The following TTC28 variants were observed in gnomAD, a reference collection of about 807,000 sequenced individuals.
TTC28 encodes tetratricopeptide repeat domain 28.
In TTC28, 61 loss-of-function variants were observed where a neutral mutation model predicts 198.0. The ratio of observed to expected loss-of-function variants is 0.31; its 90% confidence interval spans 0.25 to 0.38. The LOEUF is 0.38. TTC28 is among the 10% of genes least tolerant of loss of function. The pLI is 1.00. For missense variants in TTC28, 2,678 were observed against 3,164.0 expected (o/e 0.85, Z 3.69); for synonymous variants, 1,171 against 1,297.8 (o/e 0.90, Z 2.10).
At chr22:28,477,983 C>T (rs1336063968) in intron 2 of TTC28, among the ~76,000 whole-genome samples, 1 of 152,044 alleles carries the variant, frequency 6.6e-6, no homozygotes, top group Non-Finnish European at 1.5e-5. Context: ...TTAGTGAGTC[C>T]CTCCAAGCTC....
At chr22:28,558,810 C>T (rs2049825355) in intron 2 of TTC28, among the ~76,000 whole-genome samples, 1 of 152,194 alleles carries the variant, frequency 6.6e-6, no homozygotes, top group African/African-American at 2.4e-5. Context: ...ACAGGCGAAT[C>T]ACCTGAGGTC....
At chr22:28,592,864 A>G (rs927995799) in intron 2 of TTC28, among the ~76,000 whole-genome samples, 4 of 152,216 alleles carry the variant, frequency 2.6e-5, no homozygotes, top group East Asian at 1.9e-4. Flanking sequence ...GGACACAGCA[A>G]TTTTTCCAGG....
chr22:28,609,706 C>A, intron 2 of TTC28, among the ~76,000 whole-genome samples: 1 of 151,952 alleles, frequency 6.6e-6, no homozygotes, highest in South Asian at 2.1e-4. Flanking sequence ...TTTCCATATC[C>A]CAGTGGCGCC....
chr22:28,307,930 CAGAG>C (rs2045178539), intron 2 of TTC28, among the ~76,000 whole-genome samples: 1 of 151,972 alleles, frequency 6.6e-6, no homozygotes, highest in Non-Finnish European at 1.5e-5. Flanking sequence ...TGCATATACA[CAGAG>C]AGTGAGAAAG....
chr22:28,280,412 C>T (rs899922746), intron 5 of TTC28, among the ~76,000 whole-genome samples: 7 of 152,018 alleles, frequency 4.6e-5, no homozygotes, highest in East Asian at 3.9e-4. Flanking sequence ...CTGTAACCTC[C>T]GCCTCCGCCT....
At chr22:28,422,524 C>T (rs1402112278) in intron 2 of TTC28, among the ~76,000 whole-genome samples, 1 of 151,884 alleles carries the variant, frequency 6.6e-6, no homozygotes, top group Admixed American at 6.6e-5. Flanking sequence ...CTGCAAGCTC[C>T]ACCTCCCAGG....
At chr22:28,003,273 A>G (rs139070882) in intron 14 of TTC28, among the ~76,000 whole-genome samples, 1 of 152,222 alleles carries the variant, frequency 6.6e-6, no homozygotes, top group African/African-American at 2.4e-5. Context: ...TGTGCCAGTG[A>G]ACCTCGAACC....
intron 2 of TTC28, among the ~76,000 whole-genome samples, chr22:28,456,369 G>GT (rs372475441): frequency 1.3e-5 from 2 of 152,172 alleles, no homozygotes; most frequent in Admixed American, 6.5e-5. Context: ...CTTTTGGGGG[G>GT]AGATGCAGAT....
rs181453650 is a variant in TTC28 at position 28,296,271 on chromosome 22, T to G, written c.860A>C (p.Lys287Thr). Residue 287 changes from lysine to threonine, a missense_variant, in exon 5 of 23, where the codon AAA becomes ACA. Coordinates refer to ENST00000397906, the MANE Select transcript of TTC28 (RefSeq NM_001145418.2). ...AGTGAGAGCCTCCCGGTAATTTCCT[T>G]TGGAGAAGAATGCAGAGCCCAGATT... ...HGNLGSAFFS[K>T]GNYREALTNH... The G allele has an allele frequency of 3.9e-6, 6 of 1,551,144 alleles. No individual in the cohort carries two copies. The South Asian group carries it at 7.1e-5, about 18-fold the overall frequency.
intron 2 of TTC28, among the ~76,000 whole-genome samples, chr22:28,364,695 T>G (rs1484440407): frequency 6.6e-6 from 1 of 152,192 alleles, no homozygotes; most frequent in African/African-American, 2.4e-5. Context: ...AGAGGAAGTA[T>G]TAACTGCAGA....
intron 2 of TTC28, among the ~76,000 whole-genome samples, chr22:28,575,692 T>G (rs1478565278): frequency 6.6e-6 from 1 of 152,194 alleles, no homozygotes; most frequent in Non-Finnish European, 1.5e-5. Context: ...CTTTCACCAG[T>G]GTTTTACACT....
chr22:28,551,104 A>AT (rs925559889), intron 2 of TTC28, among the ~76,000 whole-genome samples: 2 of 152,126 alleles, frequency 1.3e-5, no homozygotes, highest in Admixed American at 6.5e-5. Flanking sequence ...CAGCAACACA[A>AT]TAATAGTGAG....
intron 5 of TTC28, among the ~76,000 whole-genome samples, chr22:28,247,841 G>C (rs1264325929): frequency 6.6e-6 from 1 of 152,202 alleles, no homozygotes; most frequent in Non-Finnish European, 1.5e-5. Flanking sequence ...TGAGGCTGCA[G>C]AGAAGGGAGG....
At chr22:28,340,260 C>G (rs1393812576) in intron 2 of TTC28, among the ~76,000 whole-genome samples, 1 of 152,008 alleles carries the variant, frequency 6.6e-6, no homozygotes, top group South Asian at 2.1e-4. Flanking sequence ...TCTTAAGGTG[C>G]TTTACAACTG....
At chr22:28,029,617 T>G (rs935217167) in intron 13 of TTC28, among the ~76,000 whole-genome samples, 2 of 152,188 alleles carry the variant, frequency 1.3e-5, no homozygotes, top group African/African-American at 4.8e-5. Context: ...CCAGCTCAGG[T>G]GTCACTCCTA....
chr22:28,646,202 T>C (rs1363976664), intron 1 of TTC28, among the ~76,000 whole-genome samples: 1 of 152,154 alleles, frequency 6.6e-6, no homozygotes, highest in Non-Finnish European at 1.5e-5. Context: ...CTAGATTTGA[T>C]AGGGTTTCAG....
intron 5 of TTC28, among the ~76,000 whole-genome samples, chr22:28,276,158 T>A (rs960922189): frequency 6.6e-6 from 1 of 151,998 alleles, no homozygotes; most frequent in African/African-American, 2.4e-5. Context: ...ATCACAGGCA[T>A]GCACCACGAC....
chr22:28,346,500 A>G (rs1237328434), intron 2 of TTC28, among the ~76,000 whole-genome samples: 6 of 152,130 alleles, frequency 3.9e-5, no homozygotes, highest in Non-Finnish European at 7.4e-5. Flanking sequence ...GCAGGAGGAG[A>G]TCCAAGCTGG....
rs529851035 is a variant in TTC28, at chr22:28,515,420, A to G, written c.381+114132T>C. 3.4e-4 allele frequency among the ~76,000 whole-genome samples: 52 copies of G among 152,362 alleles called. No individual in the cohort carries two copies. The South Asian group carries it at 0.01, about 30-fold the overall frequency. ...CAAATTATTTTTTTTCCATTGGTCT[A>G]TAATATAAAACCACACGTGGGCATA... is the stretch of plus-strand genomic sequence containing the variant. On this transcript the variant is annotated intron_variant, in intron 2 of 22. Coordinates refer to ENST00000397906, the MANE Select transcript of TTC28 (RefSeq NM_001145418.2).
Sources: allele counts gnomAD v4.1 joint callset (sites outside exome capture counted in the v4.1 genomes callset), GRCh38; gene constraint gnomAD v4.1.1; transcripts MANE v1.5; gene names NCBI Gene and HGNC (gene_info 2026-07-23, HGNC 2026-07-21).